Variants in ADAM10 observed in about 807,000 individuals in gnomAD.
ADAM10 encodes the protein disintegrin and metalloproteinase domain-containing protein 10.
ADAM10 carries 17 observed loss-of-function variants against 90.1 expected under a neutral mutation model. The observed-to-expected ratio is 0.19, with a 90% CI of 0.13 to 0.28. The LOEUF is 0.28. ADAM10 is among the 10% of genes least tolerant of loss of function. The pLI is 1.00. For synonymous variants in ADAM10, 310 were observed against 298.6 expected (o/e 1.04, Z -0.40); for missense variants, 610 against 914.3 (o/e 0.67, Z 4.29).
At chr15:58,702,802 T>C (rs1898170944) in intron 2 of ADAM10, among the ~76,000 whole-genome samples, 1 of 152,118 alleles carries the variant, frequency 6.6e-6, no homozygotes, top group Non-Finnish European at 1.5e-5. Context: ...TTAACTTGTA[T>C]CTAAAACATA....
intron 8 of ADAM10, among the ~76,000 whole-genome samples, chr15:58,636,338 T>C (rs1297718714): frequency 6.6e-6 from 1 of 152,184 alleles, no homozygotes; most frequent in South Asian, 2.1e-4. Context: ...TTGGAGTAAC[T>C]TGATTATACA....
intron 8 of ADAM10, among the ~76,000 whole-genome samples, chr15:58,635,130 C>T (rs1336292898): frequency 6.6e-6 from 1 of 151,674 alleles, no homozygotes; most frequent in Non-Finnish European, 1.5e-5. Flanking sequence ...AAAAAATTAG[C>T]AGGGCATGGT....
At chr15:58,647,605 G>A (rs946467832) in intron 5 of ADAM10, among the ~76,000 whole-genome samples, 3 of 152,106 alleles carry the variant, frequency 2.0e-5, no homozygotes. Context: ...CTGGAGTGCA[G>A]TGGCATGATC....
intron 5 of ADAM10, among the ~76,000 whole-genome samples, chr15:58,649,613 C>A (rs553484642): frequency 1.4e-4 from 22 of 152,292 alleles, no homozygotes; most frequent in African/African-American, 4.6e-4. Context: ...TCAGCATATC[C>A]TACTGTCTTC....
chr15:58,654,400 G>C (rs1379098976), intron 5 of ADAM10, among the ~76,000 whole-genome samples: 1 of 151,996 alleles, frequency 6.6e-6, no homozygotes, highest in Non-Finnish European at 1.5e-5. Context: ...TTGTTTTTGA[G>C]ACAGCGTCTC....
Position 58,656,914 on chromosome 15 carries a change from G to C in ADAM10, c.585+8183C>G, listed in dbSNP as rs140075084. ...GAAATCCATCTGTTTTTGTTTCTCTGGGAAAGTTTTTATTTCTCCTTCGTG... is the reference window on the plus strand; with the variant it reads ...GAAATCCATCTGTTTTTGTTTCTCTCGGAAAGTTTTTATTTCTCCTTCGTG... On this transcript the variant is annotated intron_variant, in intron 5 of 15. Coordinates refer to ENST00000260408, the MANE Select transcript of ADAM10 (RefSeq NM_001110.4). Among the ~76,000 whole-genome samples, 132 of 152,212 alleles carry C rather than the reference G, an allele frequency of 8.7e-4. 5 individuals carry two copies. The East Asian group carries it at 0.023, about 26-fold the overall frequency.
intron 14 of ADAM10, among the ~76,000 whole-genome samples, chr15:58,606,863 T>C (rs1298721872): frequency 2.2e-4 from 33 of 152,206 alleles, no homozygotes; most frequent in Non-Finnish European, 1.5e-5. Flanking sequence ...TTGGCAAATA[T>C]TTCCCATAAA....
rs1442116783 is a variant in ADAM10 at position 58,597,755 on chromosome 15, A to G, written c.2153-114T>C. The G allele has an allele frequency of 4.7e-6, 5 of 1,070,354 alleles. No homozygotes were observed. In the East Asian group the frequency reaches 7.9e-5, roughly 17 times the overall value. 66.3% of individuals were successfully genotyped at this position (1,070,354 alleles called of 1,614,324 possible). ...TTTTAGTTCAGTGCTGTCCAATAAT[A>G]TGGGCCATCAATGTAATTTAAAATC... On this transcript the variant is annotated intron_variant, in intron 15 of 15. Transcript: ENST00000260408.
intron 4 of ADAM10, among the ~76,000 whole-genome samples, chr15:58,665,487 T>C (rs1897057588): frequency 6.6e-6 from 1 of 152,130 alleles, no homozygotes; most frequent in Admixed American, 6.5e-5. Context: ...CACCAATATA[T>C]TGCATTCGGC....
intron 1 of ADAM10, among the ~76,000 whole-genome samples, chr15:58,725,799 C>A (rs1899009306): frequency 6.6e-6 from 1 of 152,032 alleles, no homozygotes; most frequent in Admixed American, 6.6e-5. Flanking sequence ...ACTCTATCAA[C>A]CTAAGATTCT....
At chr15:58,735,617 T>C (rs1319284397) in intron 1 of ADAM10, among the ~76,000 whole-genome samples, 1 of 152,184 alleles carries the variant, frequency 6.6e-6, no homozygotes, top group Non-Finnish European at 1.5e-5. Flanking sequence ...CTGTGTTGTG[T>C]AGGGAATAAT....
Position 58,729,906 on chromosome 15 carries a change from G to A in ADAM10, c.56-12179C>T, listed in dbSNP as rs1467448895. ...GAACCCAGGAGGCGGAGGCTGCGGC[G>A]AGCCAAGACCGTGCCACTGTACTCC... is the stretch of plus-strand genomic sequence containing the variant. On this transcript the variant is annotated intron_variant, in intron 1 of 15. Transcript: ENST00000260408. Among the ~76,000 whole-genome samples, 3 of 148,536 alleles carry A rather than the reference G, an allele frequency of 2.0e-5. No individual in the cohort carries two copies. The Admixed American group carries it at 2.1e-4, about 10-fold the overall frequency.
chr15:58,712,213 C>T (rs567639537), intron 2 of ADAM10, among the ~76,000 whole-genome samples: 13 of 152,046 alleles, frequency 8.6e-5, no homozygotes, highest in Admixed American at 2.6e-4. Flanking sequence ...ACAAAAACCA[C>T]GTAAGAAAAA....
intron 11 of ADAM10, among the ~76,000 whole-genome samples, chr15:58,618,002 C>G (rs1454160242): frequency 6.6e-6 from 1 of 151,622 alleles, no homozygotes; most frequent in African/African-American, 2.4e-5. Flanking sequence ...TAATGCCTAT[C>G]CAAATACCAA....
chr15:58,711,016 C>T (rs1898456129), intron 2 of ADAM10, among the ~76,000 whole-genome samples: 1 of 152,140 alleles, frequency 6.6e-6, no homozygotes, highest in Admixed American at 6.6e-5. Context: ...ATTCTTGAAA[C>T]CTTCATATTT....
chr15:58,749,518 ACT>A lies in ADAM10; in HGVS notation c.15_16del (p.Arg5SerfsTer22). On this transcript the variant is annotated frameshift_variant, in exon 1 of 16. Transcript: ENST00000260408. LOFTEE classifies it high-confidence loss of function. Reference sequence around the variant, plus strand: ...CGCCCAGGAGAGGAGCAGAATTAACACTCTCAGCAACACCATCTTCCGCTGCC... The same window carrying A: ...CGCCCAGGAGAGGAGCAGAATTAACACTCAGCAACACCATCTTCCGCTGCC... 6.4e-7 allele frequency: 1 copy of A among 1,553,028 alleles called. No homozygotes were observed.
chr15:58,608,531 C>T (rs1471736608), intron 14 of ADAM10, among the ~76,000 whole-genome samples: 9 of 152,092 alleles, frequency 5.9e-5, no homozygotes, highest in African/African-American at 1.7e-4. Context: ...GCATGCTATT[C>T]GAAAGACTGG....
rs770297007 is a variant in ADAM10 at position 58,627,899 on chromosome 15, T to C, written c.1177-16A>G. ...CAGAATCATGCTGTCAAAAAGAATA[T>C]AAAGTTACATAAACAGGAAGTAAAA... On this transcript the variant is annotated splice_polypyrimidine_tract_variant and intron_variant, in intron 9 of 15. Transcript: ENST00000260408. 3.5e-5 allele frequency: 57 copies of C among 1,611,308 alleles called. 2 individuals are homozygous for C. The Middle Eastern group carries it at 6.6e-4, about 19-fold the overall frequency.
chr15:58,600,187 CAT>C (rs769185388), intron 14 of ADAM10, among the ~76,000 whole-genome samples: 7 of 152,296 alleles, frequency 4.6e-5, no homozygotes, highest in Admixed American at 1.3e-4. Flanking sequence ...GCACATCTCA[CAT>C]ATGAGTGTGC....
Sources: allele counts gnomAD v4.1 joint callset (sites outside exome capture counted in the v4.1 genomes callset), GRCh38; gene constraint gnomAD v4.1.1; transcripts MANE v1.5; gene names NCBI Gene and HGNC (gene_info 2026-07-23, HGNC 2026-07-21).